The following NRXN3 variants were observed in gnomAD, a reference collection of about 807,000 sequenced individuals.
NRXN3 encodes neurexin 3.
Under a neutral mutation model 137.6 loss-of-function variants are expected in NRXN3, and 32 were observed. That is an observed-to-expected ratio of 0.23 (90% CI 0.18 to 0.31). The LOEUF is 0.31. Among genes scored for constraint, NRXN3 ranks in the 10% least tolerant of loss-of-function variants. The pLI is 1.00. For missense variants in NRXN3, 1,574 were observed against 2,062.5 expected, an observed-to-expected ratio of 0.76 and a Z score of 4.59; for synonymous variants, 798 against 784.5, an observed-to-expected ratio of 1.02 and a Z score of -0.29.
intron 15 of NRXN3, among the ~76,000 whole-genome samples, chr14:79,342,108 G>A (rs1314511956): frequency 1.3e-5 from 2 of 152,200 alleles, no homozygotes; most frequent in Non-Finnish European, 2.9e-5. Flanking sequence ...AGAGCTGGGA[G>A]TGGAGGTATT....
chr14:79,576,025 A>T (rs919961156), intron 16 of NRXN3, among the ~76,000 whole-genome samples: 16 of 152,188 alleles, frequency 1.1e-4, no homozygotes, highest in Admixed American at 3.9e-4. Flanking sequence ...CCAAAATGGT[A>T]TTCTTCTTAT....
At chr14:79,847,310 T>G (rs189430881) in intron 20 of NRXN3, among the ~76,000 whole-genome samples, 15 of 152,372 alleles carry the variant, frequency 9.8e-5, no homozygotes, top group Non-Finnish European at 1.9e-4. Context: ...ATTGTAAATT[T>G]GGGTTATTTC....
At chr14:78,782,594 G>C (rs1339665020) in intron 8 of NRXN3, among the ~76,000 whole-genome samples, 2 of 152,166 alleles carry the variant, frequency 1.3e-5, no homozygotes. Flanking sequence ...GACAGGGACT[G>C]GGTCTAAGGA....
At chr14:79,805,608 G>C (rs1028802285) in intron 20 of NRXN3, among the ~76,000 whole-genome samples, 6 of 152,076 alleles carry the variant, frequency 3.9e-5, no homozygotes, top group African/African-American at 1.4e-4. Context: ...TTAAAGATTG[G>C]TAAGTGGAGC....
chr14:79,861,970 C>T lies in NRXN3; in HGVS notation c.*6C>T. 1 of 1,602,596 alleles carries T rather than the reference C, an allele frequency of 6.2e-7. No individual in the cohort carries two copies. The highest frequency in any genetic ancestry group is 8.5e-7 in the Non-Finnish European group (1 of 1,172,594). On this transcript the variant is annotated 3_prime_UTR_variant, in exon 21 of 21. Transcript: ENST00000335750. The surrounding 1 kb of genome is among the most constrained non-coding windows in gnomAD (Gnocchi z 5.4). ...ACAGGGAGTATTACGTGTAAACATGCGAACACTGCTCACACGCGAGTTTTC... is the reference window on the plus strand; with the variant it reads ...ACAGGGAGTATTACGTGTAAACATGTGAACACTGCTCACACGCGAGTTTTC...
intron 8 of NRXN3, among the ~76,000 whole-genome samples, chr14:78,760,555 T>C (rs1490373129): frequency 4.0e-5 from 6 of 150,090 alleles, no homozygotes; most frequent in Non-Finnish European, 7.4e-5. Flanking sequence ...TTGTTAGTGA[T>C]AAATGGATTT....
rs561109924 is a variant in NRXN3, at chr14:79,037,583, A to C, written c.3262+49442A>C. 7.2e-5 allele frequency among the ~76,000 whole-genome samples: 11 copies of C among 152,250 alleles called. No homozygotes were observed. The East Asian group carries it at 2.1e-3, about 29-fold the overall frequency. On this transcript the variant is annotated intron_variant, in intron 15 of 20. Coordinates refer to ENST00000335750, the MANE Select transcript of NRXN3 (RefSeq NM_001330195.2). ...AAAAGGAGATTAGTGGCCTCTACCC[A>C]TCTTAGAGAATAGAGTGTCCTGACA...
At chr14:78,460,570 GCAAAGACCAA>G (rs1345021203) in intron 4 of NRXN3, among the ~76,000 whole-genome samples, 1 of 152,198 alleles carries the variant, frequency 6.6e-6, no homozygotes, top group African/African-American at 2.4e-5. Context: ...TGAGGAGTTG[GCAAAGACCAA>G]CAAAGACCAA....
intron 19 of NRXN3, among the ~76,000 whole-genome samples, chr14:79,716,992 A>G (rs962983223): frequency 2.0e-5 from 3 of 152,106 alleles, no homozygotes; most frequent in African/African-American, 7.2e-5. Flanking sequence ...AATGGCAGGG[A>G]GCATTCCGTT....
chr14:79,604,038 C>T (rs183172590), intron 16 of NRXN3, among the ~76,000 whole-genome samples: 42 of 152,138 alleles, frequency 2.8e-4, no homozygotes, highest in Admixed American at 2.6e-3. Flanking sequence ...CAGGTCCCCA[C>T]CACCACGCCC....
chr14:78,386,386 T>C (rs2089978565), intron 4 of NRXN3, among the ~76,000 whole-genome samples: 1 of 152,182 alleles, frequency 6.6e-6, no homozygotes, highest in South Asian at 2.1e-4. Flanking sequence ...GGCAGATGGC[T>C]TTATTGTACC....
In NRXN3 at chr14:79,506,814, T is replaced by G. The variant is rs373866183; in HGVS notation, c.3444+39412T>G. Among the ~76,000 whole-genome samples the G allele has an allele frequency of 5.3e-4, 81 of 152,272 alleles. 2 individuals carry two copies. The South Asian group carries it at 0.017, about 32-fold the overall frequency. ...TTTTAGTTGACATATTCAATTTGCTTTAGAGGGGCATCACCCATACCTCTT... is the reference window on the plus strand; with the variant it reads ...TTTTAGTTGACATATTCAATTTGCTGTAGAGGGGCATCACCCATACCTCTT... On this transcript the variant is annotated intron_variant, in intron 16 of 20. Transcript: ENST00000335750.
intron 10 of NRXN3, among the ~76,000 whole-genome samples, chr14:78,816,710 A>C (rs1210013264): frequency 6.6e-6 from 1 of 152,196 alleles, no homozygotes; most frequent in Non-Finnish European, 1.5e-5. Flanking sequence ...AGTGCATTAT[A>C]AATATTGATA....
intron 4 of NRXN3, among the ~76,000 whole-genome samples, chr14:78,329,439 A>G (rs918324053): frequency 1.3e-5 from 2 of 152,186 alleles, no homozygotes; most frequent in Admixed American, 6.5e-5. Flanking sequence ...GTAATACTTG[A>G]TCACAGAGTA....
intron 4 of NRXN3, among the ~76,000 whole-genome samples, chr14:78,465,405 TA>T (rs1266138458): frequency 6.6e-6 from 1 of 152,218 alleles, no homozygotes; most frequent in Admixed American, 6.5e-5. Flanking sequence ...AGCAATTTAA[TA>T]AAATAAGAAA....
intron 10 of NRXN3, among the ~76,000 whole-genome samples, chr14:78,841,986 G>A (rs993576041): frequency 2.6e-5 from 4 of 152,070 alleles, no homozygotes; most frequent in Admixed American, 6.6e-5. Context: ...AAGTACTTAC[G>A]ATACTGCCTG....
chr14:78,897,229 T>C (rs10483918), intron 10 of NRXN3, among the ~76,000 whole-genome samples: 15,237 of 151,954 alleles, frequency 0.1, 1,052 homozygotes, highest in Non-Finnish European at 0.14. Flanking sequence ...AAGATTGTAA[T>C]GGGCGATCAT....
At chr14:79,679,536 A>C (rs2098658657) in intron 17 of NRXN3, among the ~76,000 whole-genome samples, 1 of 152,142 alleles carries the variant, frequency 6.6e-6, no homozygotes, top group South Asian at 2.1e-4. Flanking sequence ...CCATCTTTTG[A>C]GGTGGCCAAT....
chr14:79,139,114 G>A (rs949926909), intron 15 of NRXN3, among the ~76,000 whole-genome samples: 1 of 152,216 alleles, frequency 6.6e-6, no homozygotes, highest in Non-Finnish European at 1.5e-5. Context: ...GCCTTTGAAT[G>A]AGTAATGACA....
Sources: allele counts gnomAD v4.1 joint callset (sites outside exome capture counted in the v4.1 genomes callset), GRCh38; gene constraint gnomAD v4.1.1; non-coding constraint Gnocchi (gnomAD v3.1); transcripts MANE v1.5; gene names NCBI Gene and HGNC (gene_info 2026-07-23, HGNC 2026-07-21).